Variants in SLF1 observed in about 807,000 individuals in gnomAD.
The protein encoded by SLF1 is SMC5/6 complex localization factor 1.
Under a neutral mutation model 123.0 loss-of-function variants are expected in SLF1, and 105 were observed. The observed-to-expected ratio is 0.85, with a 90% confidence interval of 0.73 to 1.00. The LOEUF (loss-of-function observed/expected upper bound fraction) is 1.00, where lower values mean the gene tolerates loss of function less well. Among genes scored for constraint, SLF1 ranks in the 50% least tolerant of loss-of-function variants. The pLI is 0.00. For synonymous variants in SLF1, 434 were observed against 406.6 expected (o/e 1.07, Z -0.81); for missense variants, 1,239 against 1,223.0 (o/e 1.01, Z -0.20).
intron 1 of SLF1, among the ~76,000 whole-genome samples, chr5:94,622,081 A>C (rs1791848924): frequency 6.6e-6 from 1 of 152,242 alleles, no homozygotes. Flanking sequence ...GTTAAACGTC[A>C]AACAGTATTT....
Position 94,663,836 on chromosome 5 carries a change from A to G in SLF1, c.1296A>G (p.Glu432=), listed in dbSNP as rs956139355. Residue 432 remains glutamate, a synonymous_variant, in exon 11 of 21, where the codon GAA becomes GAG. Coordinates refer to ENST00000265140, the MANE Select transcript of SLF1 (RefSeq NM_032290.4). ...ATTTTTTTAAAGAAGCAATTGAGGA[A>G]CTTTCCACTTTGCAGGCACATTATA... The part of the protein sequence containing the change: ...EGHFFKEAIE[E]LSTLQAHYIP... The G allele has an allele frequency of 4.5e-6, 7 of 1,550,838 alleles. No individual in the cohort carries two copies. The African/African-American group carries it at 9.6e-5, about 21-fold the overall frequency.
At chr5:94,622,983 C>G (rs1210006869) in intron 1 of SLF1, among the ~76,000 whole-genome samples, 2 of 152,122 alleles carry the variant, frequency 1.3e-5, no homozygotes, top group African/African-American at 2.4e-5. Context: ...TCTTGCCTCT[C>G]AAACCAGACT....
chr5:94,688,638 C>G lies in SLF1; in HGVS notation c.2254C>G (p.Gln752Glu), dbSNP rs1432136907. The part of the protein sequence containing the change: ...RTLLMLNGTK[Q>E]KQVEGLPELL... ...CTTACTAATGCTGAATGGTACTAAA[C>G]AAAAACAAGTCGAAGGGCTGCCAGA... The change falls in exon 17 of 21, where the codon CAA (glutamine) becomes GAA (glutamate). Residue 752 changes from glutamine (Q) to glutamate (E), a missense_variant. Coordinates refer to ENST00000265140, the MANE Select transcript of SLF1 (RefSeq NM_032290.4). The G allele has an allele frequency of 1.2e-6, 2 of 1,614,024 alleles. No homozygotes were observed. The highest frequency in any genetic ancestry group is 1.7e-6 in the Non-Finnish European group (2 of 1,179,958).
chr5:94,686,474 C>G (rs1441403375), intron 15 of SLF1, 99 bp from the exon 16 acceptor site: 1 of 1,286,636 alleles, frequency 7.8e-7, no homozygotes. Flanking sequence ...GGTGTAAGAG[C>G]TCTCATTTGA....
intron 5 of SLF1, among the ~76,000 whole-genome samples, chr5:94,647,799 A>G (rs1170587758): frequency 6.6e-6 from 1 of 152,238 alleles, no homozygotes; most frequent in Non-Finnish European, 1.5e-5. Context: ...CTGTATAGAT[A>G]ATAGATTATT....
intron 3 of SLF1, among the ~76,000 whole-genome samples, 166 bp downstream of exon 3, chr5:94,629,333 A>G (rs537308746): frequency 1.3e-4 from 20 of 152,326 alleles, no homozygotes; most frequent in Non-Finnish European, 2.6e-4. Flanking sequence ...TCTTCTAAGT[A>G]AAATTTTGTA....
At chr5:94,684,538 A>C (rs1000017444) in intron 15 of SLF1, among the ~76,000 whole-genome samples, 2 of 151,906 alleles carry the variant, frequency 1.3e-5, no homozygotes, top group Non-Finnish European at 2.9e-5. Flanking sequence ...CTCTACTAAA[A>C]ATACAAAAAA....
chr5:94,629,196 A>T (rs1744939834), intron 3 of SLF1, 29 bp downstream of exon 3: 6 of 1,511,266 alleles, frequency 4.0e-6, no homozygotes, highest in Non-Finnish European at 5.4e-6. Context: ...CCCAACTTTT[A>T]AAAACAATCT....
chr5:94,638,318 A>C (rs909302061), intron 4 of SLF1, among the ~76,000 whole-genome samples: 5 of 152,000 alleles, frequency 3.3e-5, no homozygotes, highest in Non-Finnish European at 5.9e-5. Context: ...AGCTGGAACT[A>C]CAGGTGCCCG....
At chr5:94,677,885 A>G (rs1561467175) in intron 14 of SLF1, among the ~76,000 whole-genome samples, 1 of 151,982 alleles carries the variant, frequency 6.6e-6, no homozygotes, top group Non-Finnish European at 1.5e-5. Flanking sequence ...TAAGAATTTA[A>G]TGATGTTTAT....
At chr5:94,665,170 G>A (rs73144155) in intron 11 of SLF1, among the ~76,000 whole-genome samples, 11,187 of 152,142 alleles carry the variant, frequency 0.074, 461 homozygotes, top group South Asian at 0.12. Context: ...TTAGTAGGCC[G>A]GGTGCTGTGG....
chr5:94,661,667 G>T (rs958611346), intron 9 of SLF1, among the ~76,000 whole-genome samples: 2 of 151,742 alleles, frequency 1.3e-5, no homozygotes, highest in Non-Finnish European at 2.9e-5. Flanking sequence ...CCTGAGAGTA[G>T]CTAGGATTAT....
In SLF1 at chr5:94,683,964, G is replaced by A. The variant is rs1048355289; in HGVS notation, c.1976-2609G>A. ...TTTCCTTAAAGTTCTTACAGTCCAC[G>A]GGCTAATTTTCTTGTGTTCTCTTGT... On this transcript the variant is annotated intron_variant, in intron 15 of 20. Coordinates refer to ENST00000265140, the MANE Select transcript of SLF1 (RefSeq NM_032290.4). 2.0e-5 allele frequency among the ~76,000 whole-genome samples: 3 copies of A among 152,084 alleles called. No homozygotes were observed. The East Asian group carries it at 5.8e-4, about 29-fold the overall frequency.
chr5:94,648,996 G>A (rs1023503693), intron 5 of SLF1, among the ~76,000 whole-genome samples: 1 of 152,160 alleles, frequency 6.6e-6, no homozygotes, highest in African/African-American at 2.4e-5. Context: ...GTTGTTTATT[G>A]CTATTCAAGT....
chr5:94,676,951 T>G (rs1184702788), intron 14 of SLF1, among the ~76,000 whole-genome samples: 6 of 152,178 alleles, frequency 3.9e-5, no homozygotes, highest in African/African-American at 1.4e-4. Context: ...ACAAATCCAG[T>G]AGTCACTGAG....
chr5:94,689,687 C>G, intron 18 of SLF1, 81 bp downstream of exon 18: 1 of 1,274,228 alleles, frequency 7.8e-7, no homozygotes, highest in African/African-American at 1.5e-5. Context: ...CACATTTGCC[C>G]TGATGAATAC....
In SLF1 at chr5:94,695,005, TTTTAC is replaced by T; in HGVS notation, c.2873_2877del (p.Leu958Ter). The T allele has an allele frequency of 6.2e-7, 1 of 1,612,492 alleles. No individual in the cohort carries two copies. The highest frequency in any genetic ancestry group is 8.5e-7 in the Non-Finnish European group (1 of 1,179,128). ...TACCAGCAACTTGAATTTGGCTCCT[TTTTAC>T]TTAGTAGGATGTTGCTAAATTTTTG... On this transcript the variant is annotated frameshift_variant, in exon 21 of 21. Coordinates refer to ENST00000265140, the MANE Select transcript of SLF1 (RefSeq NM_032290.4). LOFTEE classifies it high-confidence loss of function.
intron 5 of SLF1, among the ~76,000 whole-genome samples, chr5:94,643,652 A>G (rs991699879): frequency 6.6e-6 from 1 of 152,158 alleles, no homozygotes; most frequent in African/African-American, 2.4e-5. Flanking sequence ...TAAGTTTAAC[A>G]TTAAGTATTT....
chr5:94,641,384 C>T (rs1306919041), intron 4 of SLF1, among the ~76,000 whole-genome samples: 1 of 152,156 alleles, frequency 6.6e-6, no homozygotes, highest in Non-Finnish European at 1.5e-5. Context: ...TCATCAGATG[C>T]TCTTGGAGTT....
Sources: allele counts gnomAD v4.1 joint callset (sites outside exome capture counted in the v4.1 genomes callset), GRCh38; gene constraint gnomAD v4.1.1; transcripts MANE v1.5; gene names NCBI Gene and HGNC (gene_info 2026-07-23, HGNC 2026-07-21).